PHF20L1: variants seen among roughly 807,000 people sequenced by gnomAD.
PHF20L1 encodes the protein PHD finger protein 20-like protein 1.
Under a neutral mutation model 125.5 loss-of-function variants are expected in PHF20L1, and 44 were observed. The observed-to-expected ratio is 0.35, with a 90% CI of 0.28 to 0.45. The LOEUF (loss-of-function observed/expected upper bound fraction) is 0.45. Ranked by LOEUF, PHF20L1 falls within the 20% of genes least tolerant of loss-of-function variation. The probability of loss-of-function intolerance (pLI) is 1.00; values close to 1 mark genes in which losing one functional copy is unlikely to be tolerated. For missense variants in PHF20L1, 1,012 were observed against 1,217.2 expected (o/e 0.83, Z 2.51); for synonymous variants, 380 against 403.1 (o/e 0.94, Z 0.69).
At chr8:132,815,383 GT>G (rs1404683044) in intron 10 of PHF20L1, 1 of 151,196 alleles carries the variant, frequency 6.6e-6, no homozygotes, top group Non-Finnish European at 1.5e-5. Flanking sequence ...AGATTTTACT[GT>G]TTCAGTACTT....
intron 15 of PHF20L1, 90 bp from the exon 16 acceptor site, chr8:132,836,450 T>A: frequency 1.3e-6 from 1 of 795,736 alleles, no homozygotes; most frequent in Non-Finnish European, 2.0e-6. Context: ...GTTTAATAGC[T>A]TATGTTCACT....
chr8:132,820,442 G>T (rs1225035612), intron 12 of PHF20L1, among the ~76,000 whole-genome samples: 1 of 151,870 alleles, frequency 6.6e-6, no homozygotes, highest in East Asian at 1.9e-4. Context: ...CTGCCTTCTG[G>T]AAACTTAGAG....
chr8:132,787,721 C>T (rs533523909), intron 2 of PHF20L1, among the ~76,000 whole-genome samples: 3 of 152,028 alleles, frequency 2.0e-5, no homozygotes, highest in East Asian at 1.9e-4. Context: ...TATGTGATAC[C>T]GTTATTGCAG....
chr8:132,799,810 G>C (rs1469899181), intron 6 of PHF20L1: 1 of 151,770 alleles, frequency 6.6e-6, no homozygotes, highest in Non-Finnish European at 1.5e-5. Flanking sequence ...AAATTGCCTG[G>C]TTTTCAAAAA....
intron 8 of PHF20L1, chr8:132,807,537 A>G (rs1472988744): frequency 3.7e-6 from 1 of 272,176 alleles, no homozygotes; most frequent in East Asian, 1.1e-4. Flanking sequence ...TGAAATTTGA[A>G]TTGACCAGTA....
At chr8:132,826,375 A>C (rs1836181735) in intron 14 of PHF20L1, 1 of 152,118 alleles carries the variant, frequency 6.6e-6, no homozygotes. Flanking sequence ...TAAGGTGACG[A>C]TGTGTGCGCC....
At position 132,776,591 on chromosome 8, in the gene PHF20L1, A is replaced by G. The variant is rs143988979; in HGVS notation, c.-38+946A>G. ...TCCAACCATGGGTATTTGAGTTCGC[A>G]TATTTTCATGGCCAGTATTGATGCT... On this transcript the variant is annotated intron_variant, in intron 1 of 20. Transcript: ENST00000395386. 4.1e-3 allele frequency among the ~76,000 whole-genome samples: 617 copies of G among 152,330 alleles called. 7 individuals carry two copies. Among genetic ancestry groups the G allele is most frequent in the Non-Finnish European group, 4.5e-3 (309 of 68,022 alleles).
chr8:132,836,104 A>G (rs559629686), intron 15 of PHF20L1, among the ~76,000 whole-genome samples: 1 of 152,268 alleles, frequency 6.6e-6, no homozygotes, highest in South Asian at 2.1e-4. Context: ...GTGCTGGCTA[A>G]TGGGGGCTTA....
intron 2 of PHF20L1, among the ~76,000 whole-genome samples, chr8:132,792,905 G>T (rs1471101459): frequency 6.6e-6 from 1 of 151,494 alleles, no homozygotes; most frequent in African/African-American, 2.4e-5. Flanking sequence ...AATAAAGAAT[G>T]CAGCCTAACT....
intron 11 of PHF20L1, 110 bp downstream of exon 11, chr8:132,817,186 AG>A: frequency 1.1e-6 from 1 of 897,656 alleles, no homozygotes; most frequent in Non-Finnish European, 1.7e-6. Flanking sequence ...TATCTTCTGG[AG>A]TTATAAGCAC....
At chr8:132,775,985 G>C (rs1375244212) in intron 1 of PHF20L1, among the ~76,000 whole-genome samples, 1 of 151,988 alleles carries the variant, frequency 6.6e-6, no homozygotes, top group East Asian at 1.9e-4. Flanking sequence ...TTACATTGTC[G>C]GTCTCTATGT....
At chr8:132,845,312 CCTTTT>C (rs1460810027) in intron 20 of PHF20L1, among the ~76,000 whole-genome samples, 3 of 150,688 alleles carry the variant, frequency 2.0e-5, no homozygotes, top group African/African-American at 7.5e-5. Flanking sequence ...ATTGCTACTT[CCTTTT>C]CTTTGTTAAG....
At chr8:132,778,809 C>T (rs1377444911) in intron 2 of PHF20L1, among the ~76,000 whole-genome samples, 1 of 152,186 alleles carries the variant, frequency 6.6e-6, no homozygotes, top group African/African-American at 2.4e-5. Flanking sequence ...AGGGGTTCCG[C>T]TTCTGGGAGG....
At chr8:132,831,396 A>C (rs901496702) in intron 14 of PHF20L1, among the ~76,000 whole-genome samples, 1 of 150,972 alleles carries the variant, frequency 6.6e-6, no homozygotes, top group South Asian at 2.1e-4. Flanking sequence ...TATACCCTCA[A>C]CTCTCCAGTA....
chr8:132,775,406 AGGCGGC>A lies in PHF20L1; in HGVS notation c.-263_-258del. ...TCGCGTCAGGGCTGGCCGGCGGCGG[AGGCGGC>A]GGCGGCGGCGGCGATGGCAGCGGAC... On this transcript the variant is annotated 5_prime_UTR_variant, in exon 1 of 21. Transcript: ENST00000395386. The A allele has an allele frequency of 2.6e-6, 1 of 382,638 alleles. No individual in the cohort carries two copies. The highest frequency in any genetic ancestry group is 2.1e-5 in the African/African-American group (1 of 47,540). The allele number at this position is 382,638 out of a possible 1,614,324, so 23.7% of individuals were successfully genotyped here.
At chr8:132,786,477 AAAAT>A (rs1464149904) in intron 2 of PHF20L1, among the ~76,000 whole-genome samples, 1 of 152,158 alleles carries the variant, frequency 6.6e-6, no homozygotes, top group Non-Finnish European at 1.5e-5. Flanking sequence ...TTTTAAGAAA[AAAAT>A]AGATAACTTG....
At chr8:132,799,074 G>T in intron 5 of PHF20L1, 21 bp from the exon 6 acceptor site, 4 of 1,597,926 alleles carry the variant, frequency 2.5e-6, no homozygotes, top group Non-Finnish European at 3.4e-6. Flanking sequence ...TAAAGTTATA[G>T]GTCACTAGTT....
At chr8:132,775,688 C>A (rs1219447265) in intron 1 of PHF20L1, 43 bp downstream of exon 1, 1 of 324,414 alleles carries the variant, frequency 3.1e-6, no homozygotes, top group Non-Finnish European at 5.6e-6. Context: ...GCCTGGCCCC[C>A]GCCGGGCCGC....
chr8:132,825,476 C>A lies in PHF20L1; in HGVS notation c.1744+105C>A. On this transcript the variant is annotated intron_variant, in intron 14 of 20. Transcript: ENST00000395386. ...GAGTCATGACACGATCCCCGTGTCC[C>A]GTGTTGAGAACTGAAAGGTTTCTGT... is the stretch of plus-strand genomic sequence containing the variant. 4.5e-6 allele frequency: 4 copies of A among 879,672 alleles called. No homozygotes were observed. In the South Asian group the frequency reaches 6.2e-5, roughly 14 times the overall value. 54.5% of individuals were successfully genotyped at this position (879,672 alleles called of 1,614,324 possible).
Sources: allele counts gnomAD v4.1 joint callset (sites outside exome capture counted in the v4.1 genomes callset), GRCh38; gene constraint gnomAD v4.1.1; transcripts MANE v1.5; gene names NCBI Gene and HGNC (gene_info 2026-07-23, HGNC 2026-07-21).